The following PDSS1 variants were observed in gnomAD, a reference collection of about 807,000 sequenced individuals.
PDSS1 encodes the protein all trans-polyprenyl-diphosphate synthase PDSS1.
In PDSS1, 43 loss-of-function variants were observed where a neutral mutation model predicts 57.5. The observed-to-expected ratio is 0.75, with a 90% CI of 0.59 to 0.96. The LOEUF is 0.96. PDSS1 is among the 50% of genes least tolerant of loss of function. The pLI is 0.00. For synonymous variants in PDSS1, 175 were observed against 191.3 expected (o/e 0.91, Z 0.70); for missense variants, 438 against 527.8 (o/e 0.83, Z 1.67).
chr10:26,742,357 C>T (rs1487277457), intron 10 of PDSS1, 140 bp from the exon 11 acceptor site: 3 of 707,992 alleles, frequency 4.2e-6, no homozygotes, highest in Non-Finnish European at 7.5e-6. Context: ...CAGTTTACTG[C>T]TCCCCCACAT....
chr10:26,737,671 C>CA (rs1175057957), intron 10 of PDSS1, among the ~76,000 whole-genome samples: 2 of 127,382 alleles, frequency 1.6e-5, no homozygotes, highest in Admixed American at 2.0e-4. Context: ...GCAGAGGTTG[C>CA]AGTGAGCCGA....
At chr10:26,704,831 C>T in intron 3 of PDSS1, 90 bp downstream of exon 3, 1 of 736,896 alleles carries the variant, frequency 1.4e-6, no homozygotes. Flanking sequence ...CGATGGGGAG[C>T]TCACTGTGTT....
chr10:26,746,399 A>G lies in PDSS1; in HGVS notation c.1174A>G (p.Ser392Gly). ...QYCHEAIREI[S>G]KLRPSPERDA... ...CTGCCATGAAGCAATAAGAGAGATC[A>G]GTAAACTTCGACCATCCCCAGAAAG... Residue 392 changes from serine to glycine, a missense_variant, in exon 12 of 12, where the codon AGT (serine) becomes GGT (glycine). By Grantham distance (56) the Ser-to-Gly change is moderately conservative. Around this residue, in one of 2 missense-constraint regions of PDSS1, gnomAD observed 284 missense variants for 390.7 expected, o/e 0.73. Coordinates refer to ENST00000376215, the MANE Select transcript of PDSS1 (RefSeq NM_014317.5). The G allele has an allele frequency of 6.2e-7, 1 of 1,614,114 alleles. No individual in the cohort carries two copies. The highest frequency in any genetic ancestry group is 2.2e-5 in the East Asian group (1 of 44,876).
intron 11 of PDSS1, among the ~76,000 whole-genome samples, chr10:26,745,869 A>AAAAC (rs1179651387): frequency 1.3e-5 from 2 of 152,088 alleles, no homozygotes; most frequent in African/African-American, 4.8e-5. Flanking sequence ...AAAGAAAAAA[A>AAAAC]AAACTATTGG....
chr10:26,735,334 T>C lies in PDSS1; in HGVS notation c.912+14T>C. ...ATAGCTTTTCAGGTTAGTATGCTTT[T>C]TATTTGTAAGAATGGTGGCGTAGTG... On this transcript the variant is annotated intron_variant, in intron 9 of 11. Coordinates refer to ENST00000376215, the MANE Select transcript of PDSS1 (RefSeq NM_014317.5). 6.3e-7 allele frequency: 1 copy of C among 1,581,348 alleles called. No homozygotes were observed.
intron 10 of PDSS1, among the ~76,000 whole-genome samples, chr10:26,739,027 T>C (rs1450027836): frequency 6.6e-6 from 1 of 152,204 alleles, no homozygotes; most frequent in Non-Finnish European, 1.5e-5. Flanking sequence ...AAATATCTTT[T>C]TTAAAAAAAC....
chr10:26,705,475 AATTATT>A, intron 4 of PDSS1, 81 bp downstream of exon 4: 3 of 576,658 alleles, frequency 5.2e-6, no homozygotes, highest in Non-Finnish European at 8.7e-6. Flanking sequence ...TTATTCTTAT[AATTATT>A]ATTATTTTTT....
chr10:26,715,437 C>T (rs189128267), intron 5 of PDSS1: 4 of 151,024 alleles, frequency 2.6e-5, no homozygotes, highest in African/African-American at 9.7e-5. Flanking sequence ...TGCTCTGTCA[C>T]CCAGGCTGGA....
At chr10:26,698,735 C>T (rs993342608) in intron 1 of PDSS1, among the ~76,000 whole-genome samples, 1 of 152,116 alleles carries the variant, frequency 6.6e-6, no homozygotes, top group Non-Finnish European at 1.5e-5. Flanking sequence ...TTTATGTGTC[C>T]GTGTTCTCAT....
chr10:26,709,547 G>A, intron 4 of PDSS1, 91 bp from the exon 5 acceptor site: 3 of 1,333,778 alleles, frequency 2.2e-6, no homozygotes, highest in Non-Finnish European at 3.2e-6. Context: ...GGCAACAAGA[G>A]CGAAACTCCG....
chr10:26,726,036 G>A (rs1835938790), intron 8 of PDSS1, among the ~76,000 whole-genome samples: 1 of 152,134 alleles, frequency 6.6e-6, no homozygotes, highest in African/African-American at 2.4e-5. Flanking sequence ...GGGGTGGGGC[G>A]GCACCAAATT....
intron 8 of PDSS1, among the ~76,000 whole-genome samples, chr10:26,734,208 A>G (rs1242162421): frequency 6.6e-6 from 1 of 152,238 alleles, no homozygotes; most frequent in Non-Finnish European, 1.5e-5. Context: ...ACTGCACCAC[A>G]CTGACGCCTG....
chr10:26,732,033 G>A (rs1282085822), intron 8 of PDSS1, among the ~76,000 whole-genome samples: 1 of 152,246 alleles, frequency 6.6e-6, no homozygotes, highest in African/African-American at 2.4e-5. Context: ...AAGTGCATAC[G>A]CACAGCACAG....
At chr10:26,720,429 C>T in intron 6 of PDSS1, 70 bp downstream of exon 6, 2 of 1,039,118 alleles carry the variant, frequency 1.9e-6, no homozygotes, top group Non-Finnish European at 1.5e-6. Flanking sequence ...ATTTGTTTCT[C>T]AGATTTGTCT....
intron 8 of PDSS1, among the ~76,000 whole-genome samples, chr10:26,731,469 A>T (rs1245640838): frequency 1.3e-5 from 2 of 152,238 alleles, no homozygotes; most frequent in South Asian, 4.1e-4. Context: ...CCAGTTTTAC[A>T]ATTACAAACA....
chr10:26,741,865 A>G (rs914462890), intron 10 of PDSS1, among the ~76,000 whole-genome samples: 12 of 152,122 alleles, frequency 7.9e-5, no homozygotes, highest in African/African-American at 2.7e-4. Flanking sequence ...TTAAAGTTTA[A>G]CAACCATGTT....
At chr10:26,729,385 T>C (rs1022841445) in intron 8 of PDSS1, among the ~76,000 whole-genome samples, 4 of 152,208 alleles carry the variant, frequency 2.6e-5, no homozygotes, top group Non-Finnish European at 5.9e-5. Flanking sequence ...GGTAGATACG[T>C]GTATATCTTT....
chr10:26,730,159 A>G (rs9299832), intron 8 of PDSS1, among the ~76,000 whole-genome samples: 131,758 of 151,340 alleles, frequency 0.87, 57,371 homozygotes, highest in East Asian at 0.93. Flanking sequence ...TGATCCGCCC[A>G]CCTCGGCCTC....
intron 1 of PDSS1, among the ~76,000 whole-genome samples, chr10:26,698,796 T>TG (rs1834957104): frequency 6.6e-6 from 1 of 152,250 alleles, no homozygotes; most frequent in Non-Finnish European, 1.5e-5. Flanking sequence ...ATATCTACTT[T>TG]GTACCAAAGT....
Sources: allele counts gnomAD v4.1 joint callset (sites outside exome capture counted in the v4.1 genomes callset), GRCh38; gene constraint gnomAD v4.1.1; regional missense constraint gnomAD v4.1.1; transcripts MANE v1.5; gene names NCBI Gene and HGNC (gene_info 2026-07-23, HGNC 2026-07-21).